The following ZNF99 variants were observed in gnomAD, a reference collection of about 807,000 sequenced individuals.
ZNF99 encodes the protein zinc finger protein 99, also known as zinc finger protein ENSP00000375192.
A neutral mutation model predicts 12.8 loss-of-function variants in ZNF99; 8 were observed. The observed-to-expected ratio is 0.62, with a 90% CI of 0.37 to 1.13. The LOEUF (loss-of-function observed/expected upper bound fraction) is 1.13, where lower values mean the gene tolerates loss of function less well. Ranked by LOEUF, ZNF99 falls within the 50% of genes most tolerant of loss-of-function variation. ZNF99 has a pLI of 0.02. For synonymous variants in ZNF99, 318 were observed against 319.0 expected (o/e 1.00, Z 0.03); for missense variants, 1,007 against 1,006.2 (o/e 1.00, Z -0.01).
Position 22,756,465 on chromosome 19 carries a change from T to C in ZNF99, c.*849A>G. 1 of 1,594,622 alleles carries C rather than the reference T, an allele frequency of 6.3e-7. No individual in the cohort carries two copies. On this transcript the variant is annotated 3_prime_UTR_variant, in exon 4 of 4. Coordinates refer to ENST00000596209, the MANE Select transcript of ZNF99 (RefSeq NM_001080409.3). ...ACTCTTCACATTTGTAGGGTTTCTTTCCAGTATGAATTATCCTATGTTTAG... is the reference window on the plus strand; with the variant it reads ...ACTCTTCACATTTGTAGGGTTTCTTCCCAGTATGAATTATCCTATGTTTAG...
rs1021397001 is a variant in ZNF99 at position 22,753,428 on chromosome 19, A to T, written c.*3886T>A. ...TTTCATATTTACTGCATCTACAAAA[A>T]AAACTTACTCTGTTTTCTAAGCTGT... On this transcript the variant is annotated 3_prime_UTR_variant, in exon 4 of 4. Coordinates refer to ENST00000596209, the MANE Select transcript of ZNF99 (RefSeq NM_001080409.3). 3 of 152,116 alleles carry T rather than the reference A, an allele frequency of 2.0e-5. No homozygotes were observed. Among genetic ancestry groups the T allele is most frequent in the Admixed American group, 6.6e-5 (1 of 15,266 alleles). 9.4% of individuals were successfully genotyped at this position (152,116 alleles called of 1,614,324 possible).
Position 22,770,647 on chromosome 19 carries a change from G to C in ZNF99, c.4-1323C>G, listed in dbSNP as rs933518400. On this transcript the variant is annotated intron_variant, in intron 1 of 3. Transcript: ENST00000596209. ...TGGGATTACAGGCATAAGCCACCGC[G>C]CACAGCTCAGACAGCACTTTAATCA... 2.0e-5 allele frequency: 3 copies of C among 150,902 alleles called. 1 individual carries two copies. The highest frequency in any genetic ancestry group is 7.3e-5 in the African/African-American group (3 of 40,940). 9.3% of individuals were successfully genotyped at this position (150,902 alleles called of 1,614,324 possible). A position where few individuals can be genotyped will look rare whatever the true frequency, so the allele number is the denominator to read the frequency against.
chr19:22,757,737 C>G lies in ZNF99; in HGVS notation c.2172G>C (p.Glu724Asp). 6.2e-7 allele frequency: 1 copy of G among 1,611,986 alleles called. No individual in the cohort carries two copies. Among genetic ancestry groups the G allele is most frequent in the Non-Finnish European group, 8.5e-7 (1 of 1,179,616 alleles). The part of the protein sequence containing the change: ...FSQSSTLRKH[E>D]IIHTGEKPYK... ...AGGGTTTCTCTCCAGTATGAATTATCTCATGTTTTCTAAGAGTTGAGGACT... is the reference window on the plus strand; with the variant it reads ...AGGGTTTCTCTCCAGTATGAATTATGTCATGTTTTCTAAGAGTTGAGGACT... Residue 724 changes from glutamate (E) to aspartate (D), a missense_variant, in exon 4 of 4, where the codon GAG becomes GAC. Glu to Asp is a conservative substitution (Grantham distance 45). Coordinates refer to ENST00000596209, the MANE Select transcript of ZNF99 (RefSeq NM_001080409.3).
In ZNF99 at chr19:22,758,540, C is replaced by A; in HGVS notation, c.1369G>T (p.Glu457Ter). 1 of 1,612,812 alleles carries A rather than the reference C, an allele frequency of 6.2e-7. No homozygotes were observed. The highest frequency in any genetic ancestry group is 8.5e-7 in the Non-Finnish European group (1 of 1,179,578). ...AAATTGCTAAAAGCTTTGCTGCATT[C>A]TTCACATTTGTAGGGTTGCTTTCCA... ...HTGKQPYKCE[E>*]CSKAFSNFSA... Residue 457 changes from glutamate to a stop codon, truncating the protein, a stop_gained, in exon 4 of 4, where the codon GAA becomes TAA. Coordinates refer to ENST00000596209, the MANE Select transcript of ZNF99 (RefSeq NM_001080409.3). LOFTEE classifies it low-confidence loss of function (END_TRUNC).
At chr19:22,780,054 T>A (rs1273723049) in intron 1 of ZNF99, among the ~76,000 whole-genome samples, 2 of 152,172 alleles carry the variant, frequency 1.3e-5, no homozygotes, top group African/African-American at 4.8e-5. Context: ...GTTCTGTGGC[T>A]TCCCTCAGGA....
At chr19:22,769,453 C>T (rs1599446053) in intron 1 of ZNF99, 129 bp from the exon 2 acceptor site, 1 of 1,019,684 alleles carries the variant, frequency 9.8e-7, no homozygotes, top group Non-Finnish European at 1.4e-6. Context: ...TGAACGTATT[C>T]AGTAAAATAA....
chr19:22,767,107 CAAA>C (rs35316902), intron 3 of ZNF99, among the ~76,000 whole-genome samples: 24 of 81,698 alleles, frequency 2.9e-4, no homozygotes, highest in African/African-American at 6.3e-4. Context: ...CTGTCTCTAC[CAAA>C]AAAAAAAAAA....
intron 3 of ZNF99, among the ~76,000 whole-genome samples, chr19:22,762,425 C>CA (rs1158229760): frequency 6.6e-6 from 1 of 152,024 alleles, no homozygotes; most frequent in African/African-American, 2.4e-5. Flanking sequence ...GCAACCCACC[C>CA]AGCTTAAATC....
rs754644206 is a variant in ZNF99 at position 22,756,887 on chromosome 19, A to C, written c.*427T>G. On this transcript the variant is annotated 3_prime_UTR_variant, in exon 4 of 4. Transcript: ENST00000596209. ...CTTCACATTTGTAGGGTTTCTCTAC[A>C]GTATGAATTACCTTATGTTCCATAA... The C allele has an allele frequency of 6.2e-7, 1 of 1,611,740 alleles. No individual in the cohort carries two copies. Among genetic ancestry groups the C allele is most frequent in the Non-Finnish European group, 8.5e-7 (1 of 1,179,008 alleles).
chr19:22,779,453 G>C (rs1459678870), intron 1 of ZNF99, among the ~76,000 whole-genome samples: 1 of 152,120 alleles, frequency 6.6e-6, no homozygotes, highest in African/African-American at 2.4e-5. Context: ...GAACCCGGGA[G>C]GCGGAGGTTG....
chr19:22,774,080 A>C (rs1389906430), intron 1 of ZNF99: 1 of 153,818 alleles, frequency 6.5e-6, no homozygotes, highest in Non-Finnish European at 1.5e-5. Flanking sequence ...AATACTTACA[A>C]TGCAGACACC....
chr19:22,770,361 C>CTTTTT lies in ZNF99; in HGVS notation c.4-1042_4-1038dup, dbSNP rs35661475. 63 of 145,892 alleles carry CTTTTT rather than the reference C, an allele frequency of 4.3e-4. 1 individual carries two copies. The highest frequency in any genetic ancestry group is 1.3e-3 in the African/African-American group (53 of 39,460). The allele number at this position is 145,892 out of a possible 1,614,324, so 9.0% of individuals were successfully genotyped here. Reference sequence around the variant, plus strand: ...TATACTGAAAAAACCTGTCAGACAGCTTTTTTTTTTTTTAGACAGAGTTTC... The same window carrying CTTTTT: ...TATACTGAAAAAACCTGTCAGACAGCTTTTTTTTTTTTTTTTTTAGACAGAGTTTC... On this transcript the variant is annotated intron_variant, in intron 1 of 3. Coordinates refer to ENST00000596209, the MANE Select transcript of ZNF99 (RefSeq NM_001080409.3).
In ZNF99 at chr19:22,775,686, C is replaced by G. The variant is rs566138384; in HGVS notation, c.4-6362G>C. Among the ~76,000 whole-genome samples the G allele has an allele frequency of 2.0e-5, 3 of 152,252 alleles. No homozygotes were observed. In the South Asian group the frequency reaches 6.2e-4, roughly 32 times the overall value. ...TGACAAAGGTCTAGTATCTAGAATCCATAAAAAACTGAAGTTTACAAGAAA... is the reference window on the plus strand; with the variant it reads ...TGACAAAGGTCTAGTATCTAGAATCGATAAAAAACTGAAGTTTACAAGAAA... On this transcript the variant is annotated intron_variant, in intron 1 of 3. Coordinates refer to ENST00000596209, the MANE Select transcript of ZNF99 (RefSeq NM_001080409.3).
chr19:22,764,344 T>A (rs1973182465), intron 3 of ZNF99, among the ~76,000 whole-genome samples: 1 of 152,138 alleles, frequency 6.6e-6, no homozygotes, highest in Admixed American at 6.5e-5. Context: ...CCTGAAAGTA[T>A]AAAAATTCTA....
At position 22,759,348 on chromosome 19, in the gene ZNF99, G is replaced by A. The variant is rs537307263; in HGVS notation, c.561C>T (p.His187=). Residue 187 remains histidine, a synonymous_variant, in exon 4 of 4, where the codon CAC becomes CAT. Coordinates refer to ENST00000596209, the MANE Select transcript of ZNF99 (RefSeq NM_001080409.3). ...KCSKSFFMLS[H]LIQHKRIHTR... ...TATGAATTCTCTTATGTTGAATTAA[G>A]TGTGAAAGCATGAAAAATGATTTGC... 241 of 1,550,206 alleles carry A rather than the reference G, an allele frequency of 1.6e-4. 5 individuals carry two copies. In the South Asian group the frequency reaches 2.7e-3, roughly 18 times the overall value.
In ZNF99 at chr19:22,754,040, T is replaced by G. The variant is rs1212479655; in HGVS notation, c.*3274A>C. ...AGGTTTGTAGAGCTTCTCTCCAGTA[T>G]GATTTGATAACTTATTAAAAACTTT... is the stretch of plus-strand genomic sequence containing the variant. On this transcript the variant is annotated 3_prime_UTR_variant, in exon 4 of 4. Transcript: ENST00000596209. The G allele has an allele frequency of 4.4e-6, 2 of 456,032 alleles. No homozygotes were observed. Among genetic ancestry groups the G allele is most frequent in the Middle Eastern group, 3.3e-4 (1 of 3,054 alleles). The allele number at this position is 456,032 out of a possible 1,614,324, so 28.2% of individuals were successfully genotyped here.
At chr19:22,783,848 C>A (rs769882314) in intron 1 of ZNF99, among the ~76,000 whole-genome samples, 166 bp downstream of exon 1, 2 of 152,170 alleles carry the variant, frequency 1.3e-5, no homozygotes, top group Non-Finnish European at 2.9e-5. Flanking sequence ...GCAGTCAGCG[C>A]AGCCGCCATC....
chr19:22,759,874 A>G (rs13346954), intron 3 of ZNF99, among the ~76,000 whole-genome samples, 192 bp from the exon 4 acceptor site: 8,344 of 152,272 alleles, frequency 0.055, 713 homozygotes, highest in African/African-American at 0.19. Context: ...TTGAAAATTT[A>G]TAAATAAGTT....
Position 22,754,988 on chromosome 19 carries a change from G to A in ZNF99, c.*2326C>T. On this transcript the variant is annotated 3_prime_UTR_variant, in exon 4 of 4. Transcript: ENST00000596209. ...GGAGGCTGAGGCAGGAGAATCGCTT[G>A]AAAACCCAGGAGGCGGAGGTTGCAG... 1 of 165,476 alleles carries A rather than the reference G, an allele frequency of 6.0e-6. No individual in the cohort carries two copies. The highest frequency in any genetic ancestry group is 1.4e-4 in the South Asian group (1 of 6,912). 10.3% of individuals were successfully genotyped at this position (165,476 alleles called of 1,614,324 possible).
Sources: allele counts gnomAD v4.1 joint callset (sites outside exome capture counted in the v4.1 genomes callset), GRCh38; gene constraint gnomAD v4.1.1; transcripts MANE v1.5; gene names NCBI Gene and HGNC (gene_info 2026-07-23, HGNC 2026-07-21).